HPSE2: variants seen among roughly 807,000 people sequenced by gnomAD.
HPSE2 encodes the protein heparanase 2 (inactive).
HPSE2 carries 38 observed loss-of-function variants against 60.5 expected under a neutral mutation model. The ratio of observed to expected loss-of-function variants is 0.63; its 90% CI spans 0.48 to 0.82. HPSE2 has a LOEUF of 0.82. Among genes scored for constraint, HPSE2 ranks in the 40% least tolerant of loss-of-function variants. The pLI, the probability that HPSE2 is intolerant of heterozygous loss-of-function variation, is 0.00. For synonymous variants in HPSE2, 295 were observed against 293.2 expected (o/e 1.01, Z -0.06); for missense variants, 713 against 740.4 (o/e 0.96, Z 0.43).
At chr10:99,018,608 G>A (rs1352059413) in intron 3 of HPSE2, among the ~76,000 whole-genome samples, 1 of 152,174 alleles carries the variant, frequency 6.6e-6, no homozygotes, top group Non-Finnish European at 1.5e-5. Flanking sequence ...ACACAGCCCA[G>A]AGCTTTAAAA....
chr10:98,836,873 T>C (rs371492565), intron 3 of HPSE2, among the ~76,000 whole-genome samples: 8 of 152,150 alleles, frequency 5.3e-5, no homozygotes, highest in African/African-American at 1.7e-4. Context: ...ACCCCGTCTC[T>C]ACTAAAAATA....
At chr10:99,047,358 C>T (rs1957879653) in intron 3 of HPSE2, among the ~76,000 whole-genome samples, 1 of 152,074 alleles carries the variant, frequency 6.6e-6, no homozygotes, top group African/African-American at 2.4e-5. Flanking sequence ...AAATCTCAAA[C>T]TATAAAAATC....
At chr10:98,886,211 A>T (rs1953160931) in intron 3 of HPSE2, among the ~76,000 whole-genome samples, 1 of 152,118 alleles carries the variant, frequency 6.6e-6, no homozygotes, top group Non-Finnish European at 1.5e-5. Flanking sequence ...ATCTCCTGCC[A>T]CATGGTTTTT....
intron 4 of HPSE2, among the ~76,000 whole-genome samples, chr10:98,725,974 A>AG (rs747864252): frequency 7.9e-5 from 12 of 152,272 alleles, no homozygotes; most frequent in Middle Eastern, 3.4e-3. Context: ...ATCATTAAAA[A>AG]TCAGGAAACA....
At chr10:98,703,479 A>G (rs1948466174) in intron 5 of HPSE2, among the ~76,000 whole-genome samples, 2 of 69,540 alleles carry the variant, frequency 2.9e-5, no homozygotes, top group South Asian at 4.4e-3. Context: ...GACACAACAA[A>G]AAAAAGAAAA....
chr10:98,810,714 G>A (rs11189828), intron 3 of HPSE2, among the ~76,000 whole-genome samples: 111,760 of 151,634 alleles, frequency 0.74, 42,001 homozygotes, highest in Non-Finnish European at 0.83. Flanking sequence ...AATTGTCTTG[G>A]GCCACACATA....
chr10:98,965,740 C>T lies in HPSE2; in HGVS notation c.610+178498G>A, dbSNP rs115657380. On this transcript the variant is annotated intron_variant, in intron 3 of 11. Coordinates refer to ENST00000370552, the MANE Select transcript of HPSE2 (RefSeq NM_021828.5). ...GTCATTGCCTCTAGCACTCATGTCT[C>T]TTAACTTATTAGTTGTCTTGCATCA... Among the ~76,000 whole-genome samples, 881 of 152,290 alleles carry T rather than the reference C, an allele frequency of 5.8e-3. 9 individuals carry two copies. Among genetic ancestry groups the T allele is most frequent in the African/African-American group, 0.02 (824 of 41,550 alleles).
the HPSE2 span, among the ~76,000 whole-genome samples, chr10:99,266,923 A>C: frequency 6.6e-6 from 1 of 152,328 alleles, no homozygotes; most frequent in East Asian, 1.9e-4. Flanking sequence ...TTCAGCTCTC[A>C]GGAAGCCACA....
chr10:99,191,050 G>A (rs1848202800), intron 2 of HPSE2, among the ~76,000 whole-genome samples: 1 of 152,100 alleles, frequency 6.6e-6, no homozygotes, highest in Non-Finnish European at 1.5e-5. Context: ...CTTGAAGAAA[G>A]GGGAAAGAAG....
chr10:98,905,694 G>T (rs1380694317), intron 3 of HPSE2, among the ~76,000 whole-genome samples: 1 of 152,016 alleles, frequency 6.6e-6, no homozygotes, highest in Non-Finnish European at 1.5e-5. Context: ...TTTAATAAAG[G>T]CAGGAAAGTA....
chr10:99,099,052 G>A (rs1312622518), intron 3 of HPSE2, among the ~76,000 whole-genome samples: 1 of 152,096 alleles, frequency 6.6e-6, no homozygotes, highest in Non-Finnish European at 1.5e-5. Context: ...CCAGTCTACA[G>A]CTCCCAGCGT....
intron 9 of HPSE2, among the ~76,000 whole-genome samples, chr10:98,564,308 TC>T (rs1944276265): frequency 6.6e-6 from 1 of 152,224 alleles, no homozygotes; most frequent in Non-Finnish European, 1.5e-5. Flanking sequence ...GTTCCTTTAC[TC>T]TCTGTGACTC....
At chr10:98,738,563 T>C (rs1949415561) in intron 4 of HPSE2, among the ~76,000 whole-genome samples, 3 of 152,172 alleles carry the variant, frequency 2.0e-5, no homozygotes, top group Admixed American at 6.5e-5. Context: ...GAGAAAATTT[T>C]TGCAATCTAT....
chr10:98,568,434 T>C (rs1023974293), intron 9 of HPSE2, among the ~76,000 whole-genome samples: 18 of 152,210 alleles, frequency 1.2e-4, no homozygotes, highest in African/African-American at 4.3e-4. Flanking sequence ...TCAGGAGCCA[T>C]GGCTGAAGGT....
intron 9 of HPSE2, among the ~76,000 whole-genome samples, chr10:98,550,546 G>A (rs1943831828): frequency 6.7e-6 from 1 of 149,152 alleles, no homozygotes; most frequent in South Asian, 2.1e-4. Flanking sequence ...TCAGCTCACT[G>A]CAAGCTCCAC....
chr10:98,614,839 C>G, intron 9 of HPSE2, 65 bp downstream of exon 9: 1 of 1,069,884 alleles, frequency 9.3e-7, no homozygotes, highest in Admixed American at 1.7e-5. Flanking sequence ...TAGTATGGAA[C>G]AAGGCATGAT....
chr10:98,788,816 G>A (rs1163745959), intron 3 of HPSE2, among the ~76,000 whole-genome samples: 2 of 150,916 alleles, frequency 1.3e-5, no homozygotes, highest in Admixed American at 6.6e-5. Flanking sequence ...AGCACGGTGC[G>A]CACACACACT....
At chr10:98,741,940 G>T (rs1258473553) in intron 4 of HPSE2, among the ~76,000 whole-genome samples, 5 of 152,122 alleles carry the variant, frequency 3.3e-5, no homozygotes, top group East Asian at 1.9e-4. Flanking sequence ...GGAGGGTAAG[G>T]TTAGGTGAGT....
chr10:99,295,833 T>C, the HPSE2 span, among the ~76,000 whole-genome samples: 8 of 152,172 alleles, frequency 5.3e-5, no homozygotes, highest in African/African-American at 1.9e-4. Context: ...CTACAATCAC[T>C]GCAAAGATCA....
Sources: allele counts gnomAD v4.1 joint callset (sites outside exome capture counted in the v4.1 genomes callset), GRCh38; gene constraint gnomAD v4.1.1; transcripts MANE v1.5; gene names NCBI Gene and HGNC (gene_info 2026-07-23, HGNC 2026-07-21).